PPP2R2D: variants seen among roughly 807,000 people sequenced by gnomAD.
PPP2R2D encodes the protein protein phosphatase 2 regulatory subunit Bdelta.
A neutral mutation model predicts 31.1 loss-of-function variants in PPP2R2D; 9 were observed. The observed-to-expected ratio is 0.29, with a 90% CI of 0.17 to 0.51. The LOEUF is 0.51. Among genes scored for constraint, PPP2R2D ranks in the 20% least tolerant of loss-of-function variants. The pLI, the probability that PPP2R2D is intolerant of heterozygous loss-of-function variation, is 0.98. For missense variants in PPP2R2D, 391 were observed against 465.6 expected (o/e 0.84, Z 1.48); for synonymous variants, 179 against 172.6 (o/e 1.04, Z -0.29).
chr10:131,955,965 G>C lies in PPP2R2D; in HGVS notation c.*2G>C. 1 of 1,497,950 alleles carries C rather than the reference G, an allele frequency of 6.7e-7. No homozygotes were observed. Among genetic ancestry groups the C allele is most frequent in the South Asian group, 1.4e-5 (1 of 71,796 alleles). The allele number at this position is 1,497,950 out of a possible 1,614,324, so 92.8% of individuals were successfully genotyped here. A position where few individuals can be genotyped will look rare whatever the true frequency, so the allele number is the denominator to read the frequency against. Reference sequence around the variant, plus strand: ...ATATTCCAGGACAAAATCAACTAGAGACGCGAACGTGAGGACCAAGTCTTG... The same window carrying C: ...ATATTCCAGGACAAAATCAACTAGACACGCGAACGTGAGGACCAAGTCTTG... On this transcript the variant is annotated 3_prime_UTR_variant, in exon 9 of 9. Coordinates refer to ENST00000455566, the MANE Select transcript of PPP2R2D (RefSeq NM_018461.5).
At chr10:131,920,757 C>T (rs11146425) in intron 2 of PPP2R2D, among the ~76,000 whole-genome samples, 42,725 of 151,976 alleles carry the variant, frequency 0.28, 6,138 homozygotes, top group East Asian at 0.45. Context: ...GGTGAAACCC[C>T]GTTGCTACTA....
chr10:131,937,788 A>G (rs967914069), intron 3 of PPP2R2D, among the ~76,000 whole-genome samples: 1 of 152,176 alleles, frequency 6.6e-6, no homozygotes, highest in Admixed American at 6.5e-5. Context: ...CTTTTTAAAT[A>G]ATTTGGTTCC....
At chr10:131,932,660 A>C (rs1467347022) in intron 2 of PPP2R2D, among the ~76,000 whole-genome samples, 1 of 149,642 alleles carries the variant, frequency 6.7e-6, no homozygotes, top group African/African-American at 2.5e-5. Flanking sequence ...AAAAAAAAAA[A>C]AAAAAAAACA....
chr10:131,955,644 C>T (rs781789324), intron 8 of PPP2R2D, 40 bp from the exon 9 acceptor site: 46 of 1,360,502 alleles, frequency 3.4e-5, no homozygotes, highest in Non-Finnish European at 4.3e-5. Flanking sequence ...TGCCGCTCCC[C>T]CCACTGAGGA....
Position 131,944,016 on chromosome 10 carries a change from C to A in PPP2R2D, c.526C>A (p.Arg176=), listed in dbSNP as rs782449204. The part of the protein sequence containing the change: ...MDLMVEASPR[R]IFANAHTYHI... ...TCTTATGGTAGAAGCGAGTCCACGG[C>A]GAATTTTTGCAAATGCTCACACATA... Residue 176 remains arginine (R), a synonymous_variant, in exon 6 of 9, where the codon CGA becomes AGA. Coordinates refer to ENST00000455566, the MANE Select transcript of PPP2R2D (RefSeq NM_018461.5). The A allele has an allele frequency of 5.0e-6, 7 of 1,413,326 alleles. No individual in the cohort carries two copies. The highest frequency in any genetic ancestry group is 7.0e-6 in the Non-Finnish European group (7 of 997,340). 87.5% of individuals were successfully genotyped at this position (1,413,326 alleles called of 1,614,324 possible).
chr10:131,934,141 T>G (rs1554896105), intron 2 of PPP2R2D, among the ~76,000 whole-genome samples: 1 of 152,172 alleles, frequency 6.6e-6, no homozygotes, highest in South Asian at 2.1e-4. Context: ...ATTTTTTTCT[T>G]TTACAGATGA....
At chr10:131,908,788 C>T (rs887381385) in intron 2 of PPP2R2D, among the ~76,000 whole-genome samples, 5 of 152,080 alleles carry the variant, frequency 3.3e-5, no homozygotes, top group Non-Finnish European at 7.3e-5. Context: ...CTTAAGAGAC[C>T]CTCTTGCATA....
Position 131,905,338 on chromosome 10 carries a change from T to C in PPP2R2D, c.100+4008T>C, listed in dbSNP as rs1489069668. On this transcript the variant is annotated intron_variant, in intron 2 of 8. Transcript: ENST00000455566. ...CTAAACGGTGGCTCCTTTCTGGAAA[T>C]TGTTAACTGTTGTGCAGATTTTTTC... Among the ~76,000 whole-genome samples the C allele has an allele frequency of 2.0e-5, 3 of 152,244 alleles. No homozygotes were observed. The East Asian group carries it at 5.8e-4, about 29-fold the overall frequency.
intron 3 of PPP2R2D, among the ~76,000 whole-genome samples, chr10:131,937,336 C>T (rs1554896649): frequency 6.6e-6 from 1 of 152,206 alleles, no homozygotes; most frequent in African/African-American, 2.4e-5. Flanking sequence ...ATGGGTGTGG[C>T]TGTGCGGCCC....
At chr10:131,920,300 GAC>G (rs1442271560) in intron 2 of PPP2R2D, among the ~76,000 whole-genome samples, 4 of 147,958 alleles carry the variant, frequency 2.7e-5, no homozygotes, top group Admixed American at 1.3e-4. Flanking sequence ...CAGGTGGAAT[GAC>G]ACAGTGTAGG....
intron 2 of PPP2R2D, among the ~76,000 whole-genome samples, chr10:131,925,624 T>C (rs112239458): frequency 3.3e-5 from 5 of 152,244 alleles, no homozygotes; most frequent in African/African-American, 1.2e-4. Flanking sequence ...GAAAGTAGTA[T>C]GCAGAATTTT....
intron 2 of PPP2R2D, among the ~76,000 whole-genome samples, chr10:131,930,303 G>A (rs985971982): frequency 1.3e-5 from 2 of 151,974 alleles, no homozygotes; most frequent in African/African-American, 4.8e-5. Context: ...CTTGTCCCCA[G>A]ACCAGTCTCC....
downstream of PPP2R2D, among the ~76,000 whole-genome samples, chr10:131,963,144 G>A (rs1286374088): frequency 1.3e-5 from 2 of 152,176 alleles, no homozygotes; most frequent in Admixed American, 6.5e-5. Flanking sequence ...CAGCCTAGGC[G>A]ACAGAGTGAG....
the PPP2R2D span, chr10:131,967,335 A>G: frequency 6.6e-6 from 1 of 152,244 alleles, no homozygotes. Flanking sequence ...AACAGCAAAC[A>G]TATTTGCTCT....
At chr10:131,926,329 C>T (rs2036104819) in intron 2 of PPP2R2D, among the ~76,000 whole-genome samples, 1 of 152,050 alleles carries the variant, frequency 6.6e-6, no homozygotes, top group Non-Finnish European at 1.5e-5. Context: ...TTTGAAAAGA[C>T]ACAGAAACGT....
At chr10:131,910,824 G>A (rs1472176625) in intron 2 of PPP2R2D, among the ~76,000 whole-genome samples, 1 of 152,268 alleles carries the variant, frequency 6.6e-6, no homozygotes, top group East Asian at 1.9e-4. Flanking sequence ...CCAACCTCGG[G>A]GAGTGGTGAG....
the PPP2R2D span, among the ~76,000 whole-genome samples, chr10:131,966,278 T>C: frequency 2.6e-5 from 4 of 152,250 alleles, no homozygotes; most frequent in South Asian, 6.2e-4. Context: ...GTGGCCAATG[T>C]TTTTATATCA....
chr10:131,928,232 TCC>T (rs1554895212), intron 2 of PPP2R2D, among the ~76,000 whole-genome samples: 1 of 152,192 alleles, frequency 6.6e-6, no homozygotes, highest in African/African-American at 2.4e-5. Flanking sequence ...GCGCTAGTTT[TCC>T]TTATAACCAC....
intron 8 of PPP2R2D, 75 bp from the exon 9 acceptor site, chr10:131,955,609 C>T (rs2036777925): frequency 5.3e-6 from 7 of 1,319,246 alleles, no homozygotes; most frequent in Middle Eastern, 2.8e-4. Flanking sequence ...GCTGTGCACC[C>T]CAGGGGTGGG....
Sources: allele counts gnomAD v4.1 joint callset (sites outside exome capture counted in the v4.1 genomes callset), GRCh38; gene constraint gnomAD v4.1.1; transcripts MANE v1.5; gene names NCBI Gene and HGNC (gene_info 2026-07-23, HGNC 2026-07-21).